Variants in MYO10 observed in about 807,000 individuals in gnomAD.
The protein encoded by MYO10 is unconventional myosin-X.
MYO10 carries 133 observed loss-of-function variants against 257.3 expected under a neutral mutation model. That is an observed-to-expected ratio of 0.52 (90% confidence interval 0.45 to 0.60). MYO10 has a LOEUF of 0.60. Among genes scored for constraint, MYO10 ranks in the 20% least tolerant of loss-of-function variants. MYO10 has a pLI of 0.00. For synonymous variants in MYO10, 1,104 were observed against 1,028.6 expected (o/e 1.07, Z -1.40); for missense variants, 2,399 against 2,635.7 (o/e 0.91, Z 1.97).
At chr5:16,757,996 G>A (rs1740584810) in intron 18 of MYO10, 122 bp downstream of exon 18, 2 of 757,298 alleles carry the variant, frequency 2.6e-6, no homozygotes, top group Admixed American at 2.5e-5. Flanking sequence ...TTAAAAGCAT[G>A]ATATAAAAGG....
chr5:16,761,139 T>G (rs547562966), intron 17 of MYO10, among the ~76,000 whole-genome samples: 2 of 152,068 alleles, frequency 1.3e-5, no homozygotes, highest in South Asian at 2.1e-4. Flanking sequence ...TACAGGTGCC[T>G]GCCACCATGC....
rs779030770 is a variant in MYO10, at chr5:16,665,445, T to TAA, written c.*1245_*1246dup. 6.6e-6 allele frequency: 1 copy of TAA among 152,192 alleles called. No homozygotes were observed. The highest frequency in any genetic ancestry group is 1.5e-5 in the Non-Finnish European group (1 of 68,018). 9.4% of individuals were successfully genotyped at this position (152,192 alleles called of 1,614,324 possible). On this transcript the variant is annotated 3_prime_UTR_variant, in exon 41 of 41. Transcript: ENST00000513610. ...TCCTTAAAACTTTTCCATATAAAAATAAAAAGTCCAAGACCAGATTATTTT... is the reference window on the plus strand; with the variant it reads ...TCCTTAAAACTTTTCCATATAAAAATAAAAAAAGTCCAAGACCAGATTATTTT...
chr5:16,795,897 G>T (rs527580143), intron 3 of MYO10, among the ~76,000 whole-genome samples: 1 of 152,134 alleles, frequency 6.6e-6, no homozygotes, highest in South Asian at 2.1e-4. Flanking sequence ...TTTCGAAAAT[G>T]CTAGGTATCA....
At chr5:16,793,453 A>G (rs1442497831) in intron 4 of MYO10, among the ~76,000 whole-genome samples, 1 of 152,042 alleles carries the variant, frequency 6.6e-6, no homozygotes, top group Non-Finnish European at 1.5e-5. Flanking sequence ...CCTCGCAAGT[A>G]GCTGGAACTA....
At position 16,664,153 on chromosome 5, in the gene MYO10, C is replaced by T. The variant is rs373495175; in HGVS notation, c.*2539G>A. 1 of 152,188 alleles carries T rather than the reference C, an allele frequency of 6.6e-6. No individual in the cohort carries two copies. The highest frequency in any genetic ancestry group is 1.5e-5 in the Non-Finnish European group (1 of 68,056). The allele number at this position is 152,188 out of a possible 1,614,324, so 9.4% of individuals were successfully genotyped here. A position where few individuals can be genotyped will look rare whatever the true frequency, so the allele number is the denominator to read the frequency against. ...CCTGTACGTTCTGTTGCAACTTTCT[C>T]TGAGTCTGTAATTATTTCTAAATAA... On this transcript the variant is annotated 3_prime_UTR_variant, in exon 41 of 41. Coordinates refer to ENST00000513610, the MANE Select transcript of MYO10 (RefSeq NM_012334.3).
intron 6 of MYO10, among the ~76,000 whole-genome samples, chr5:16,781,357 G>A (rs1245676059): frequency 6.6e-6 from 1 of 152,164 alleles, no homozygotes. Flanking sequence ...TGGGATTACA[G>A]GCATGAGCCA....
intron 33 of MYO10, among the ~76,000 whole-genome samples, chr5:16,679,524 G>GTTTTTT (rs33919452): frequency 3.3e-4 from 40 of 122,646 alleles, no homozygotes; most frequent in African/African-American, 5.1e-4. Flanking sequence ...TTTTTTGGGT[G>GTTTTTT]TTTTTTTTTT....
intron 29 of MYO10, among the ~76,000 whole-genome samples, chr5:16,684,825 T>C (rs763842443): frequency 1.1e-4 from 16 of 152,156 alleles, no homozygotes; most frequent in Non-Finnish European, 2.1e-4. Context: ...GGCATGTGGA[T>C]TGCCTGAGCT....
At chr5:16,923,261 T>C (rs1746037731) in intron 1 of MYO10, among the ~76,000 whole-genome samples, 1 of 151,776 alleles carries the variant, frequency 6.6e-6, no homozygotes, top group African/African-American at 2.4e-5. Context: ...TTGTCAGAGA[T>C]GTAGTGTATT....
chr5:16,823,393 C>T (rs1276028378), intron 2 of MYO10, among the ~76,000 whole-genome samples: 2 of 120,052 alleles, frequency 1.7e-5, no homozygotes, highest in African/African-American at 3.2e-5. Flanking sequence ...TGTAGTGAGC[C>T]GAGATGGCAC....
At chr5:16,733,863 C>A (rs1299518200) in intron 19 of MYO10, among the ~76,000 whole-genome samples, 1 of 152,118 alleles carries the variant, frequency 6.6e-6, no homozygotes, top group Non-Finnish European at 1.5e-5. Context: ...GACGGCTCGG[C>A]ATCGCAGCAT....
chr5:16,729,922 G>A (rs568585895), intron 19 of MYO10, among the ~76,000 whole-genome samples: 2 of 152,028 alleles, frequency 1.3e-5, no homozygotes, highest in Non-Finnish European at 2.9e-5. Flanking sequence ...AAGATGTCAC[G>A]CAAAACTACT....
chr5:16,889,126 T>A (rs1238146408), intron 1 of MYO10, among the ~76,000 whole-genome samples: 2 of 151,490 alleles, frequency 1.3e-5, no homozygotes, highest in Non-Finnish European at 2.9e-5. Context: ...TGAGGTGTGA[T>A]TGTGCCTCTG....
chr5:16,762,635 T>C lies in MYO10; in HGVS notation c.1497A>G (p.Lys499=). Residue 499 remains lysine (K), a splice_region_variant and synonymous_variant, in exon 15 of 41, where the codon AAA becomes AAG. Transcript: ENST00000513610. ...NGECLDLIEK[K]LGLLALINEE... is the part of the protein sequence containing the mutation. The stretch of plus-strand genomic sequence containing the variant: ...CATTGATAAGGGCTAGGAGGCCAAG[T>C]TTCTAGAAGAAGAAAAAGAAAAAAT... 2.5e-6 allele frequency: 4 copies of C among 1,595,678 alleles called. No homozygotes were observed. The highest frequency in any genetic ancestry group is 3.4e-6 in the Non-Finnish European group (4 of 1,170,234).
At chr5:16,668,618 T>C (rs910102193) in intron 39 of MYO10, 150 bp from the exon 40 acceptor site, 2 of 569,334 alleles carry the variant, frequency 3.5e-6, no homozygotes, top group South Asian at 3.8e-5. Flanking sequence ...GCCTGAAATA[T>C]GAAAAATGGC....
Position 16,665,767 on chromosome 5 carries a change from A to G in MYO10, c.*925T>C, listed in dbSNP as rs567623342. 4.6e-5 allele frequency: 7 copies of G among 152,758 alleles called. No homozygotes were observed. Among genetic ancestry groups the G allele is most frequent in the African/African-American group, 1.7e-4 (7 of 41,574 alleles). 9.5% of individuals were successfully genotyped at this position (152,758 alleles called of 1,614,324 possible). ...AAAATGACTTCATTCTTGTTCTAAA[A>G]CCAGCACTGGAGCCAGCTGTTGAAG... On this transcript the variant is annotated 3_prime_UTR_variant, in exon 41 of 41. Coordinates refer to ENST00000513610, the MANE Select transcript of MYO10 (RefSeq NM_012334.3).
At chr5:16,850,799 G>A (rs1016550294) in intron 2 of MYO10, among the ~76,000 whole-genome samples, 92 of 141,472 alleles carry the variant, frequency 6.5e-4, no homozygotes, top group Middle Eastern at 3.7e-3. Context: ...TTTTTGGAGG[G>A]GGTTACGGGC....
chr5:16,666,849 G>T, intron 40 of MYO10, 56 bp from the exon 41 acceptor site: 1 of 1,390,180 alleles, frequency 7.2e-7, no homozygotes. Context: ...CAGGCAAAGG[G>T]CCCTGCCTAA....
intron 1 of MYO10, among the ~76,000 whole-genome samples, chr5:16,912,775 T>A (rs1745692779): frequency 7.0e-6 from 1 of 141,982 alleles, no homozygotes; most frequent in South Asian, 2.2e-4. Flanking sequence ...AGGGTACAAC[T>A]TCCAGACTTC....
Sources: allele counts gnomAD v4.1 joint callset (sites outside exome capture counted in the v4.1 genomes callset), GRCh38; gene constraint gnomAD v4.1.1; transcripts MANE v1.5; gene names NCBI Gene and HGNC (gene_info 2026-07-23, HGNC 2026-07-21).